EXOC6: variants seen among roughly 807,000 people sequenced by gnomAD.
EXOC6 encodes exocyst complex component 6, also known as SEC15-like 1.
EXOC6 carries 60 observed loss-of-function variants against 112.5 expected under a neutral mutation model. That is an observed-to-expected ratio of 0.53 (90% CI 0.43 to 0.66). The LOEUF is 0.66. Ranked by LOEUF, EXOC6 falls within the 30% of genes least tolerant of loss-of-function variation. The probability of loss-of-function intolerance (pLI) is 0.00; values close to 1 mark genes in which losing one functional copy is unlikely to be tolerated. For missense variants in EXOC6, 855 were observed against 957.1 expected (o/e 0.89, Z 1.41); for synonymous variants, 295 against 308.0 (o/e 0.96, Z 0.44).
chr10:92,832,726 G>A (rs1005367589), upstream of EXOC6, among the ~76,000 whole-genome samples: 1 of 143,870 alleles, frequency 7.0e-6, no homozygotes, highest in East Asian at 2.1e-4. Flanking sequence ...TCAGTGGCCC[G>A]ATCTTGGCTC....
chr10:92,854,024 A>G (rs945286198), intron 1 of EXOC6, among the ~76,000 whole-genome samples: 4 of 146,538 alleles, frequency 2.7e-5, no homozygotes, highest in Non-Finnish European at 4.5e-5. Flanking sequence ...AAAAAAAAAA[A>G]GGAAAGAAAG....
Position 92,913,482 on chromosome 10 carries a change from C to G in EXOC6, c.664-2276C>G, listed in dbSNP as rs564868059. Among the ~76,000 whole-genome samples the G allele has an allele frequency of 6.6e-5, 10 of 152,300 alleles. No homozygotes were observed. The East Asian group carries it at 1.9e-3, about 29-fold the overall frequency. On this transcript the variant is annotated intron_variant, in intron 6 of 21. Coordinates refer to ENST00000260762, the MANE Select transcript of EXOC6 (RefSeq NM_019053.6). ...CTCAGTCTCATCTTGATACTTGTCT[C>G]CCTTCTATGCTCTAGCAGTATTTGC...
chr10:92,977,007 C>CA (rs1202962135), intron 18 of EXOC6, among the ~76,000 whole-genome samples: 1 of 151,974 alleles, frequency 6.6e-6, no homozygotes. Flanking sequence ...TAGTTTTATA[C>CA]AAAAAAATAG....
At chr10:92,920,185 G>T in intron 8 of EXOC6, 135 bp downstream of exon 8, 2 of 506,004 alleles carry the variant, frequency 4.0e-6, no homozygotes, top group South Asian at 8.5e-5. Context: ...TCTGTGTAAG[G>T]CACTTACATT....
rs116351909 is a variant in EXOC6 at position 93,058,071 on chromosome 10, G to C, written c.2283-152G>C. 4.8e-3 allele frequency: 2,949 copies of C among 609,228 alleles called. 47 individuals are homozygous for C. The highest frequency in any genetic ancestry group is 0.041 in the African/African-American group (2,110 of 51,774). The allele number at this position is 609,228 out of a possible 1,614,324, so 37.7% of individuals were successfully genotyped here. A position where few individuals can be genotyped will look rare whatever the true frequency, so the allele number is the denominator to read the frequency against. ...AATTTTTTGCATGGTTACTATATCT[G>C]TATGTTTATTTAGTATCTACTTTCT... On this transcript the variant is annotated intron_variant, in intron 21 of 21. Coordinates refer to ENST00000260762, the MANE Select transcript of EXOC6 (RefSeq NM_019053.6).
intron 7 of EXOC6, among the ~76,000 whole-genome samples, chr10:92,918,364 C>T (rs1851230660): frequency 6.6e-6 from 1 of 151,012 alleles, no homozygotes; most frequent in Non-Finnish European, 1.5e-5. Flanking sequence ...ACTATGTGCT[C>T]ATGACTGCAT....
intron 7 of EXOC6, among the ~76,000 whole-genome samples, chr10:92,917,284 T>A (rs547966919): frequency 1.3e-5 from 2 of 152,160 alleles, no homozygotes; most frequent in Middle Eastern, 3.4e-3. Flanking sequence ...TTTATAGTGA[T>A]TACTTATATT....
At chr10:92,885,005 A>G (rs1017953139) in intron 1 of EXOC6, among the ~76,000 whole-genome samples, 1 of 152,294 alleles carries the variant, frequency 6.6e-6, no homozygotes, top group African/African-American at 2.4e-5. Context: ...AAAAGCATTA[A>G]TTTCTAGTGA....
chr10:92,913,778 C>T (rs554926931), intron 6 of EXOC6, among the ~76,000 whole-genome samples: 89 of 152,170 alleles, frequency 5.8e-4, no homozygotes, highest in African/African-American at 1.8e-3. Context: ...GGATTTTGCC[C>T]TGCTTATTTT....
At chr10:92,988,286 T>C (rs1267955665) in intron 18 of EXOC6, among the ~76,000 whole-genome samples, 1 of 152,238 alleles carries the variant, frequency 6.6e-6, no homozygotes, top group African/African-American at 2.4e-5. Flanking sequence ...TTTTTCACCT[T>C]TACTTGTGAG....
chr10:92,955,608 A>G lies in EXOC6; in HGVS notation c.1667A>G (p.His556Arg). 6.2e-7 allele frequency: 1 copy of G among 1,611,694 alleles called. No homozygotes were observed. The highest frequency in any genetic ancestry group is 8.5e-7 in the Non-Finnish European group (1 of 1,178,698). ...GTACAAATCATCATAAACACAACAC[A>G]CCTGGAGCAAGCTTGTAAATATCTT... is the stretch of plus-strand genomic sequence containing the variant. The part of the protein sequence containing the change: ...ELVQIIINTT[H>R]LEQACKYLED... The change falls in exon 17 of 22, where the codon CAC (histidine) becomes CGC (arginine). Residue 556 changes from histidine to arginine, a missense_variant. His to Arg is a conservative substitution (Grantham distance 29, BLOSUM62 0). Transcript: ENST00000260762.
At chr10:92,840,667 C>CT (rs572526057) in intron 1 of EXOC6, among the ~76,000 whole-genome samples, 2,922 of 144,132 alleles carry the variant, frequency 0.02, 71 homozygotes, top group African/African-American at 0.063. Flanking sequence ...GAGTGTAGAA[C>CT]TTTTTTTTTT....
chr10:92,870,496 C>T (rs939846938), intron 1 of EXOC6, among the ~76,000 whole-genome samples: 2 of 152,074 alleles, frequency 1.3e-5, no homozygotes, highest in Admixed American at 1.3e-4. Context: ...TGACAATTTG[C>T]TCTTTCAGTG....
At position 92,987,003 on chromosome 10, in the gene EXOC6, C is replaced by T. The variant is rs536145923; in HGVS notation, c.1954-10471C>T. On this transcript the variant is annotated intron_variant, in intron 18 of 21. Coordinates refer to ENST00000260762, the MANE Select transcript of EXOC6 (RefSeq NM_019053.6). Reference sequence around the variant, plus strand: ...AATAATTTAGTGTGCCGTCTTTCCTCGAGTAATTTATTTAAGCTGTATTAG... The same window carrying T: ...AATAATTTAGTGTGCCGTCTTTCCTTGAGTAATTTATTTAAGCTGTATTAG... Among the ~76,000 whole-genome samples, 15 of 151,636 alleles carry T rather than the reference C, an allele frequency of 9.9e-5. No individual in the cohort carries two copies. The South Asian group carries it at 2.5e-3, about 25-fold the overall frequency.
intron 20 of EXOC6, among the ~76,000 whole-genome samples, chr10:93,016,749 T>C (rs1401432446): frequency 6.6e-6 from 1 of 152,198 alleles, no homozygotes; most frequent in Non-Finnish European, 1.5e-5. Flanking sequence ...ATAATTATTA[T>C]GTTATTATAT....
intron 20 of EXOC6, among the ~76,000 whole-genome samples, chr10:93,044,945 T>G (rs1387467214): frequency 2.0e-5 from 3 of 152,188 alleles, no homozygotes; most frequent in Admixed American, 6.5e-5. Context: ...CAATCTCGGC[T>G]CACTGCAACC....
chr10:92,902,207 A>G (rs1422008682), intron 5 of EXOC6, among the ~76,000 whole-genome samples: 3 of 151,938 alleles, frequency 2.0e-5, no homozygotes, highest in African/African-American at 7.3e-5. Context: ...TGTGGTGGGT[A>G]CTTTTTGTGG....
intron 6 of EXOC6, among the ~76,000 whole-genome samples, chr10:92,910,846 G>A (rs1222768677): frequency 4.1e-5 from 5 of 121,574 alleles, no homozygotes; most frequent in Admixed American, 9.0e-5. Flanking sequence ...GGAGAATGGC[G>A]TGAACCCAGG....
intron 1 of EXOC6, among the ~76,000 whole-genome samples, chr10:92,829,652 C>A (rs978899338): frequency 1.3e-5 from 2 of 152,208 alleles, no homozygotes; most frequent in Admixed American, 1.3e-4. Context: ...GTGACTCCAT[C>A]TTGAATAAGG....
Sources: gnomAD v4.1 joint callset for allele counts (sites outside exome capture counted in the v4.1 genomes callset) on GRCh38, gnomAD v4.1.1 for gene constraint, MANE v1.5 for transcripts, NCBI Gene and HGNC (gene_info 2026-07-23, HGNC 2026-07-21) for gene names.